Variants in TUT4 observed in about 807,000 individuals in gnomAD.
TUT4 encodes the protein terminal uridylyl transferase 4.
TUT4 carries 36 observed loss-of-function variants against 192.2 expected under a neutral mutation model. That is an observed-to-expected ratio of 0.19 (90% confidence interval 0.14 to 0.25). The LOEUF (loss-of-function observed/expected upper bound fraction) is 0.25, where lower values mean the gene tolerates loss of function less well. Among genes scored for constraint, TUT4 ranks in the 10% least tolerant of loss-of-function variants. The probability of loss-of-function intolerance (pLI) is 1.00; values close to 1 mark genes in which losing one functional copy is unlikely to be tolerated. For synonymous variants in TUT4, 618 were observed against 666.0 expected, an observed-to-expected ratio of 0.93 and a Z score of 1.11; for missense variants, 1,493 against 1,957.2, an observed-to-expected ratio of 0.76 and a Z score of 4.47.
chr1:52,449,099 ACTCT>A (rs1176113876), intron 20 of TUT4, among the ~76,000 whole-genome samples: 4 of 151,360 alleles, frequency 2.6e-5, no homozygotes, highest in South Asian at 2.1e-4. Context: ...ACACACACAC[ACTCT>A]CTCTCCCTGC....
chr1:52,551,546 C>T (rs1468560250), intron 1 of TUT4, among the ~76,000 whole-genome samples: 1 of 152,246 alleles, frequency 6.6e-6, no homozygotes, highest in Non-Finnish European at 1.5e-5. Context: ...GCACACTAGA[C>T]ACTAATGAGT....
chr1:52,517,711 T>C (rs1679078513), intron 2 of TUT4, among the ~76,000 whole-genome samples: 1 of 152,226 alleles, frequency 6.6e-6, no homozygotes, highest in Non-Finnish European at 1.5e-5. Flanking sequence ...TATAAGCAAC[T>C]TGCAATTATG....
At chr1:52,477,370 C>T (rs1667370032) in intron 12 of TUT4, among the ~76,000 whole-genome samples, 2 of 151,982 alleles carry the variant, frequency 1.3e-5, no homozygotes, top group Admixed American at 1.3e-4. Context: ...CCAAGAGTTC[C>T]AGACCAGCCT....
Position 52,492,351 on chromosome 1 carries a change from AAAGCT to A in TUT4, c.1318+1255_1318+1259del, listed in dbSNP as rs1671379420. Among the ~76,000 whole-genome samples, 5 of 152,194 alleles carry A rather than the reference AAAGCT, an allele frequency of 3.3e-5. No individual in the cohort carries two copies. The South Asian group carries it at 6.2e-4, about 19-fold the overall frequency. ...CAATGAGAGAGTATGGCTTTAAAAA[AAAGCT>A]CTCTCTTCTAACCCAAATTGCAAAT... is the stretch of plus-strand genomic sequence containing the variant. On this transcript the variant is annotated intron_variant, in intron 7 of 29. Transcript: ENST00000257177.
chr1:52,508,762 A>C (rs188978171), intron 4 of TUT4, among the ~76,000 whole-genome samples: 96 of 152,330 alleles, frequency 6.3e-4, no homozygotes, highest in Non-Finnish European at 1.2e-3. Flanking sequence ...AAGAGGTTAC[A>C]CAGTATTATT....
At position 52,475,148 on chromosome 1, in the gene TUT4, T is replaced by G. The variant is rs748081685; in HGVS notation, c.2411A>C (p.Lys804Thr). The change falls in exon 13 of 30, where the codon AAA becomes ACA. Residue 804 changes from lysine (K) to threonine (T), a missense_variant. Lys to Thr is a moderately conservative substitution (Grantham distance 78). Coordinates refer to ENST00000257177, the MANE Select transcript of TUT4 (RefSeq NM_001009881.3). ...GQDSSSLSTS[K>T]SSEIEPKLDK... ...TAATTTTGGCTCTATTTCACTGCTT[T>G]TGCTGGTAGAAAGAGATGAAGAGTC... 6.2e-7 allele frequency: 1 copy of G among 1,614,180 alleles called. No homozygotes were observed. Among genetic ancestry groups the G allele is most frequent in the Admixed American group, 1.7e-5 (1 of 60,036 alleles).
intron 27 of TUT4, chr1:52,433,607 G>A (rs1398653701): frequency 1.3e-5 from 2 of 152,324 alleles, no homozygotes; most frequent in South Asian, 2.1e-4. Context: ...AAGCACGGGT[G>A]AGAGAAAAGT....
At chr1:52,500,209 G>A (rs1673711223) in intron 4 of TUT4, among the ~76,000 whole-genome samples, 1 of 151,968 alleles carries the variant, frequency 6.6e-6, no homozygotes, top group South Asian at 2.1e-4. Flanking sequence ...CACTCAATGG[G>A]GAAAGGACAG....
At chr1:52,499,181 T>C (rs920550789) in intron 4 of TUT4, among the ~76,000 whole-genome samples, 3 of 151,662 alleles carry the variant, frequency 2.0e-5, no homozygotes, top group African/African-American at 4.8e-5. Context: ...GGTGGATTGC[T>C]TGAGGTCAGG....
At chr1:52,496,646 C>T (rs1209718459) in intron 5 of TUT4, among the ~76,000 whole-genome samples, 1 of 152,066 alleles carries the variant, frequency 6.6e-6, no homozygotes, top group East Asian at 1.9e-4. Flanking sequence ...TTTTCCCCAC[C>T]ATCAGGCAAC....
chr1:52,479,918 C>G (rs1032927874), intron 11 of TUT4, among the ~76,000 whole-genome samples: 9 of 149,610 alleles, frequency 6.0e-5, no homozygotes, highest in African/African-American at 2.2e-4. Context: ...TGGTGTGAAC[C>G]TGGGAGGCAG....
chr1:52,458,563 T>G, intron 19 of TUT4, 114 bp from the exon 20 acceptor site: 1 of 691,886 alleles, frequency 1.4e-6, no homozygotes, highest in Admixed American at 3.1e-5. Flanking sequence ...TAAACTGAGT[T>G]AAAAACAAAC....
intron 12 of TUT4, among the ~76,000 whole-genome samples, chr1:52,477,246 T>C (rs1215147066): frequency 1.3e-5 from 2 of 152,146 alleles, no homozygotes; most frequent in African/African-American, 4.8e-5. Context: ...ACTAATTCTA[T>C]AAAACTATAA....
intron 14 of TUT4, chr1:52,468,526 T>C: frequency 3.0e-6 from 1 of 334,982 alleles, no homozygotes; most frequent in Non-Finnish European, 5.4e-6. Flanking sequence ...TATATGTACA[T>C]TTCACATGAT....
chr1:52,462,347 G>T (rs1041206123), intron 16 of TUT4: 1 of 151,894 alleles, frequency 6.6e-6, no homozygotes, highest in East Asian at 1.9e-4. Flanking sequence ...CACCGTGCCC[G>T]GCTAATTTTT....
At chr1:52,431,734 A>G in intron 27 of TUT4, 1 of 222,384 alleles carries the variant, frequency 4.5e-6, no homozygotes, top group Non-Finnish European at 8.7e-6. Context: ...TTCCATCTAA[A>G]TATCTCATAG....
intron 3 of TUT4, chr1:52,515,321 G>GTGCC (rs1300120914): frequency 1.3e-5 from 2 of 153,966 alleles, no homozygotes; most frequent in Non-Finnish European, 2.9e-5. Flanking sequence ...TACATCCCCA[G>GTGCC]TGCCTATCAG....
At chr1:52,460,981 T>C (rs1662394582) in intron 19 of TUT4, 153 bp downstream of exon 19, 3 of 485,254 alleles carry the variant, frequency 6.2e-6, no homozygotes, top group South Asian at 5.3e-5. Context: ...CCTACTCTGA[T>C]AGGTATCTAT....
intron 1 of TUT4, among the ~76,000 whole-genome samples, chr1:52,537,134 G>A (rs1341185186): frequency 6.6e-6 from 1 of 152,092 alleles, no homozygotes; most frequent in Non-Finnish European, 1.5e-5. Flanking sequence ...CACTCCAGCA[G>A]CCTGGGCAAT....
Sources: allele counts gnomAD v4.1 joint callset (sites outside exome capture counted in the v4.1 genomes callset), GRCh38; gene constraint gnomAD v4.1.1; transcripts MANE v1.5; gene names NCBI Gene and HGNC (gene_info 2026-07-23, HGNC 2026-07-21).